Variants in ABTB2 observed in about 807,000 individuals in gnomAD.
ABTB2 encodes the protein ankyrin repeat and BTB/POZ domain-containing protein 2.
A neutral mutation model predicts 104.1 loss-of-function variants in ABTB2; 56 were observed. That is an observed-to-expected ratio of 0.54 (90% CI 0.43 to 0.67). The LOEUF is 0.67. Ranked by LOEUF, ABTB2 falls within the 30% of genes least tolerant of loss-of-function variation. The probability of loss-of-function intolerance (pLI) is 0.00; values close to 1 mark genes in which losing one functional copy is unlikely to be tolerated. For synonymous variants in ABTB2, 606 were observed against 608.2 expected (o/e 1.00, Z 0.05); for missense variants, 1,279 against 1,407.7 (o/e 0.91, Z 1.46).
At chr11:34,167,770 A>G in intron 6 of ABTB2, 133 bp downstream of exon 6, 2 of 957,918 alleles carry the variant, frequency 2.1e-6, no homozygotes, top group Non-Finnish European at 3.2e-6. Flanking sequence ...GCCTCTGTGC[A>G]TCTTGTCTTT....
intron 1 of ABTB2, among the ~76,000 whole-genome samples, chr11:34,344,671 A>AT (rs35007087): frequency 3.3e-5 from 5 of 151,936 alleles, no homozygotes; most frequent in Non-Finnish European, 5.9e-5. Context: ...TAGTTTTTGT[A>AT]TTTTTTTGTA....
intron 1 of ABTB2, among the ~76,000 whole-genome samples, chr11:34,210,637 T>C (rs562752417): frequency 5.3e-5 from 8 of 152,200 alleles, no homozygotes; most frequent in African/African-American, 1.9e-4. Context: ...GGACAGTGAG[T>C]GTGGTACCAT....
intron 1 of ABTB2, among the ~76,000 whole-genome samples, chr11:34,257,518 T>A (rs1340326422): frequency 1.3e-5 from 2 of 152,228 alleles, no homozygotes; most frequent in African/African-American, 4.8e-5. Context: ...TCTGTATCTG[T>A]GCTGTCCAAC....
At chr11:34,232,074 A>C (rs1347916401) in intron 1 of ABTB2, among the ~76,000 whole-genome samples, 2 of 152,236 alleles carry the variant, frequency 1.3e-5, no homozygotes, top group Non-Finnish European at 2.9e-5. Context: ...TATGAACTTT[A>C]GTTAATAATG....
intron 1 of ABTB2, among the ~76,000 whole-genome samples, chr11:34,320,602 G>C (rs1409873273): frequency 6.6e-6 from 1 of 152,180 alleles, no homozygotes; most frequent in African/African-American, 2.4e-5. Context: ...GCCATTGGGT[G>C]GGCTGGCTGC....
intron 1 of ABTB2, among the ~76,000 whole-genome samples, chr11:34,302,557 G>A (rs1245216228): frequency 2.0e-5 from 3 of 152,226 alleles, no homozygotes; most frequent in Non-Finnish European, 4.4e-5. Context: ...GCCAAGACCT[G>A]AAATCAAGGG....
At chr11:34,338,163 C>A (rs534222975) in intron 1 of ABTB2, among the ~76,000 whole-genome samples, 8 of 151,864 alleles carry the variant, frequency 5.3e-5, no homozygotes, top group Admixed American at 4.6e-4. Flanking sequence ...GGTGGATCAC[C>A]TGAGATCAGG....
chr11:34,311,502 C>T lies in ABTB2; in HGVS notation c.883+45199G>A, dbSNP rs4274185. 1.0e-3 allele frequency among the ~76,000 whole-genome samples: 157 copies of T among 152,304 alleles called. 1 individual carries two copies. The highest frequency in any genetic ancestry group is 4.6e-3 in the Admixed American group (71 of 15,302). ...GCTTCAAACAAGTCCCTCGGCCACT[C>T]TCGGAACCAGATTAAGGCAGAGCGC... On this transcript the variant is annotated intron_variant, in intron 1 of 16. Transcript: ENST00000435224.
chr11:34,308,712 A>G (rs191707236), intron 1 of ABTB2, among the ~76,000 whole-genome samples: 1 of 152,218 alleles, frequency 6.6e-6, no homozygotes, highest in Admixed American at 6.5e-5. Flanking sequence ...TGCACTAAAA[A>G]TACAAAAATT....
At chr11:34,349,767 G>A (rs1321333553) in intron 1 of ABTB2, among the ~76,000 whole-genome samples, 1 of 152,176 alleles carries the variant, frequency 6.6e-6, no homozygotes, top group African/African-American at 2.4e-5. Flanking sequence ...ACTGGTGGTG[G>A]CTATGAAGCA....
intron 1 of ABTB2, among the ~76,000 whole-genome samples, chr11:34,235,802 T>C (rs1853835501): frequency 6.6e-6 from 1 of 152,224 alleles, no homozygotes; most frequent in African/African-American, 2.4e-5. Flanking sequence ...ATTAATTAGC[T>C]GCAGGAGGTC....
At chr11:34,177,817 C>T (rs1184490313) in intron 3 of ABTB2, among the ~76,000 whole-genome samples, 1 of 152,128 alleles carries the variant, frequency 6.6e-6, no homozygotes, top group Non-Finnish European at 1.5e-5. Flanking sequence ...ATCTGCCAAC[C>T]TCGGCCCCCA....
rs971326056 is a variant in ABTB2 at position 34,356,093 on chromosome 11, T to C, written c.883+608A>G. On this transcript the variant is annotated intron_variant, in intron 1 of 16. Transcript: ENST00000435224. This position sits in a 1 kb window ranked among gnomAD's most constrained non-coding sequence, Gnocchi z 4.6. The stretch of plus-strand genomic sequence containing the variant: ...AGTCGGGGTCCCCAGGTTTCATCAT[T>C]CCTGGGCACATATAGGTAAGAGCGA... Among the ~76,000 whole-genome samples the C allele has an allele frequency of 6.6e-6, 1 of 152,130 alleles. No homozygotes were observed. Among genetic ancestry groups the C allele is most frequent in the African/African-American group, 2.4e-5 (1 of 41,432 alleles).
chr11:34,185,687 G>C (rs147423329), intron 3 of ABTB2, among the ~76,000 whole-genome samples: 64 of 152,272 alleles, frequency 4.2e-4, no homozygotes, highest in Admixed American at 9.2e-4. Flanking sequence ...GAGTGGGGTT[G>C]GGGGGAGAGG....
At chr11:34,188,809 G>A (rs1033654602) in intron 3 of ABTB2, among the ~76,000 whole-genome samples, 4 of 152,222 alleles carry the variant, frequency 2.6e-5, no homozygotes, top group African/African-American at 9.6e-5. Context: ...TGAACACACA[G>A]CCTATCTGTG....
chr11:34,184,702 G>T (rs1343832435), intron 3 of ABTB2, among the ~76,000 whole-genome samples: 1 of 152,214 alleles, frequency 6.6e-6, no homozygotes, highest in Non-Finnish European at 1.5e-5. Context: ...AGCAGGCCTG[G>T]GCCTCAGTGC....
chr11:34,312,586 C>G (rs1436967283), intron 1 of ABTB2, among the ~76,000 whole-genome samples: 4 of 152,240 alleles, frequency 2.6e-5, no homozygotes, highest in African/African-American at 9.6e-5. Flanking sequence ...ATTCTCTAAA[C>G]TGTATCCAGG....
At chr11:34,199,910 C>T (rs1279979226) in intron 2 of ABTB2, among the ~76,000 whole-genome samples, 4 of 152,144 alleles carry the variant, frequency 2.6e-5, no homozygotes, top group Non-Finnish European at 4.4e-5. Context: ...TCCTACGGGC[C>T]GCCTCCTGTG....
At chr11:34,294,536 G>A (rs1247624765) in intron 1 of ABTB2, among the ~76,000 whole-genome samples, 1 of 151,998 alleles carries the variant, frequency 6.6e-6, no homozygotes, top group Non-Finnish European at 1.5e-5. Context: ...GTTAGAAGAC[G>A]GAAATTGAAA....
Sources: gnomAD v4.1 joint callset for allele counts (sites outside exome capture counted in the v4.1 genomes callset) on GRCh38, gnomAD v4.1.1 for gene constraint, Gnocchi (gnomAD v3.1) non-coding constraint, MANE v1.5 for transcripts, NCBI Gene and HGNC (gene_info 2026-07-23, HGNC 2026-07-21) for gene names.